The following MARK4 variants were observed in gnomAD, a reference collection of about 807,000 sequenced individuals.
MARK4 encodes microtubule affinity regulating kinase 4.
A neutral mutation model predicts 81.5 loss-of-function variants in MARK4; 19 were observed. That is an observed-to-expected ratio of 0.23 (90% confidence interval 0.16 to 0.34). MARK4 has a LOEUF of 0.34. Among genes scored for constraint, MARK4 ranks in the 10% least tolerant of loss-of-function variants. The probability of loss-of-function intolerance (pLI) is 1.00; values close to 1 mark genes in which losing one functional copy is unlikely to be tolerated. For missense variants in MARK4, 772 were observed against 1,058.8 expected, an observed-to-expected ratio of 0.73 and a Z score of 3.76; for synonymous variants, 436 against 439.0, an observed-to-expected ratio of 0.99 and a Z score of 0.08.
Position 45,251,316 on chromosome 19 carries a change from C to A in MARK4, c.-273C>A, listed in dbSNP as rs1171721811. On this transcript the variant is annotated 5_prime_UTR_variant, in exon 1 of 17. Transcript: ENST00000262891. ...CCGCCTCCCTCCGCCGCCGCTTGGG[C>A]CGGCTCCGCGCCCCCTCCGCGGCCC... 1 of 147,930 alleles carries A rather than the reference C, an allele frequency of 6.8e-6. No individual in the cohort carries two copies. Among genetic ancestry groups the A allele is most frequent in the Non-Finnish European group, 1.5e-5 (1 of 67,730 alleles). The allele number at this position is 147,930 out of a possible 1,614,324, so 9.2% of individuals were successfully genotyped here.
intron 6 of MARK4, 106 bp downstream of exon 6, chr19:45,265,016 T>A: frequency 8.9e-7 from 1 of 1,119,382 alleles, no homozygotes; most frequent in Non-Finnish European, 1.3e-6. Context: ...GGGCGGGGCT[T>A]AAGTCTGGGC....
In MARK4 at chr19:45,302,484, G is replaced by C. The variant is rs200323133; in HGVS notation, c.2033G>C (p.Arg678Pro). 2 of 1,610,552 alleles carry C rather than the reference G, an allele frequency of 1.2e-6. No homozygotes were observed. The highest frequency in any genetic ancestry group is 1.7e-6 in the Non-Finnish European group (2 of 1,179,712). ...CCTGAGGCCCTGATGGCAGCTCTGC[G>C]CCAGGCCACAGCAGCCGCCCGCTGC... The part of the protein sequence containing the change: ...RPPEALMAAL[R>P]QATAAARCRC... The change falls in exon 17 of 17, where the codon CGC (arginine) becomes CCC (proline). Residue 678 changes from arginine to proline, a missense_variant. Arg to Pro is a moderately radical substitution (Grantham distance 103). Coordinates refer to ENST00000262891, the MANE Select transcript of MARK4 (RefSeq NM_001199867.2). The surrounding 1 kb of genome is among the most constrained non-coding windows in gnomAD (Gnocchi z 4.9).
At chr19:45,294,840 C>A (rs959011677) in intron 14 of MARK4, among the ~76,000 whole-genome samples, 14 of 152,086 alleles carry the variant, frequency 9.2e-5, no homozygotes, top group African/African-American at 3.4e-4. Flanking sequence ...GGAGGGAAAC[C>A]AGTTCAGACT....
chr19:45,268,713 C>T (rs1239819448), intron 7 of MARK4, among the ~76,000 whole-genome samples: 1 of 151,764 alleles, frequency 6.6e-6, no homozygotes, highest in African/African-American at 2.4e-5. Context: ...CCACTGCATT[C>T]CAACCTGGGT....
rs993530917 is a variant in MARK4 at position 45,302,275 on chromosome 19, G to A, written c.1923-99G>A. 4.4e-6 allele frequency: 7 copies of A among 1,577,514 alleles called. No individual in the cohort carries two copies. Among genetic ancestry groups the A allele is most frequent in the Admixed American group, 3.5e-5 (2 of 56,572 alleles). ...GGGGAAGATGTTTTTTGAGGGGATG[G>A]CTAGGAATGTGTCCCGAATTGGGAA... On this transcript the variant is annotated intron_variant, in intron 16 of 16. Coordinates refer to ENST00000262891, the MANE Select transcript of MARK4 (RefSeq NM_001199867.2). This position sits in a 1 kb window ranked among gnomAD's most constrained non-coding sequence, Gnocchi z 4.9.
rs1224929131 is a variant in MARK4, at chr19:45,272,945, T to C, written c.786+1237T>C. Among the ~76,000 whole-genome samples the C allele has an allele frequency of 9.2e-5, 14 of 152,206 alleles. No individual in the cohort carries two copies. The South Asian group carries it at 2.1e-3, about 22-fold the overall frequency. On this transcript the variant is annotated intron_variant, in intron 8 of 16. Coordinates refer to ENST00000262891, the MANE Select transcript of MARK4 (RefSeq NM_001199867.2). ...TGATTGTGCAACTCCGTGCATATAC[T>C]AAAAGCCATCGAATTGTGCACTTCG... is the stretch of plus-strand genomic sequence containing the variant.
intron 12 of MARK4, among the ~76,000 whole-genome samples, chr19:45,281,032 C>T (rs1232568438): frequency 6.6e-6 from 1 of 151,732 alleles, no homozygotes; most frequent in Non-Finnish European, 1.5e-5. Context: ...CTCATCCTAT[C>T]TTTTTTCCTG....
At chr19:45,289,367 C>T (rs1348082830) in intron 13 of MARK4, among the ~76,000 whole-genome samples, 1 of 101,904 alleles carries the variant, frequency 9.8e-6, no homozygotes, top group Non-Finnish European at 1.8e-5. Context: ...AGCCTGGTGA[C>T]AGAGCAAGAC....
chr19:45,261,826 G>A (rs1423520974), intron 2 of MARK4, among the ~76,000 whole-genome samples: 1 of 151,990 alleles, frequency 6.6e-6, no homozygotes, highest in South Asian at 2.1e-4. Context: ...CCAGATATTC[G>A]GGAGGCTGAG....
Position 45,251,426 on chromosome 19 carries a change from T to A in MARK4, c.-163T>A, listed in dbSNP as rs1409157839. The A allele has an allele frequency of 5.6e-5, 10 of 177,180 alleles. No individual in the cohort carries two copies. Among genetic ancestry groups the A allele is most frequent in the Admixed American group, 4.6e-4 (3 of 6,546 alleles). 11.0% of individuals were successfully genotyped at this position (177,180 alleles called of 1,614,324 possible). A position where few individuals can be genotyped will look rare whatever the true frequency, so the allele number is the denominator to read the frequency against. ...CTAGGACCCTCGGCGTCCCTTCCCC[T>A]CCCCCGCCCTGCCCCCTCTCCCGCC... On this transcript the variant is annotated 5_prime_UTR_variant, in exon 1 of 17. Transcript: ENST00000262891.
At chr19:45,262,614 C>A (rs1322704996) in intron 2 of MARK4, among the ~76,000 whole-genome samples, 4 of 152,192 alleles carry the variant, frequency 2.6e-5, no homozygotes, top group African/African-American at 9.7e-5. Flanking sequence ...AGCTCTGGAG[C>A]AGCGTCAGCC....
At chr19:45,270,735 G>A (rs187475537) in intron 7 of MARK4, among the ~76,000 whole-genome samples, 342 of 152,134 alleles carry the variant, frequency 2.2e-3, no homozygotes, top group African/African-American at 8.1e-3. Context: ...GAGTACCTGG[G>A]ACTACTGGCG....
chr19:45,279,665 A>G (rs1040549897), intron 10 of MARK4, among the ~76,000 whole-genome samples: 12 of 152,176 alleles, frequency 7.9e-5, no homozygotes, highest in African/African-American at 2.9e-4. Flanking sequence ...AGTACCACCA[A>G]TTTTGTATGG....
In MARK4 at chr19:45,271,781, C is replaced by T; in HGVS notation, c.786+73C>T. On this transcript the variant is annotated intron_variant, in intron 8 of 16. Transcript: ENST00000262891. The surrounding 1 kb of genome is among the most constrained non-coding windows in gnomAD (Gnocchi z 4.1). ...AGGCCCCTATCCCCCCCACACCTCCCCTGCAGAGGGCCTCAGTGGTGGGAC... is the reference window on the plus strand; with the variant it reads ...AGGCCCCTATCCCCCCCACACCTCCTCTGCAGAGGGCCTCAGTGGTGGGAC... 1 of 1,385,366 alleles carries T rather than the reference C, an allele frequency of 7.2e-7. No homozygotes were observed. 85.8% of individuals were successfully genotyped at this position (1,385,366 alleles called of 1,614,324 possible).
chr19:45,294,249 C>G (rs547884739), intron 13 of MARK4, 100 bp from the exon 14 acceptor site: 1 of 1,134,740 alleles, frequency 8.8e-7, no homozygotes, highest in African/African-American at 1.5e-5. Flanking sequence ...ACATGAGCCC[C>G]TGACTTATTC....
chr19:45,287,778 T>C (rs1347198455), intron 13 of MARK4, 114 bp downstream of exon 13: 1 of 1,175,400 alleles, frequency 8.5e-7, no homozygotes, highest in African/African-American at 1.5e-5. Flanking sequence ...CTCCTTCTTC[T>C]ACCCATTCAT....
At chr19:45,269,140 A>G (rs1255788062) in intron 7 of MARK4, among the ~76,000 whole-genome samples, 3 of 152,150 alleles carry the variant, frequency 2.0e-5, no homozygotes, top group Admixed American at 6.6e-5. Context: ...ACTTTTTGGG[A>G]GGCCGAGGTG....
At chr19:45,260,931 G>T (rs1010379216) in intron 2 of MARK4, among the ~76,000 whole-genome samples, 1 of 152,054 alleles carries the variant, frequency 6.6e-6, no homozygotes, top group African/African-American at 2.4e-5. Flanking sequence ...TGCAAAAAGG[G>T]CCCACACAGG....
intron 12 of MARK4, among the ~76,000 whole-genome samples, chr19:45,283,794 G>T (rs566130202): frequency 6.6e-6 from 1 of 152,192 alleles, no homozygotes; most frequent in Admixed American, 6.6e-5. Flanking sequence ...GTACGTATCT[G>T]GGAGTGGAAT....
Sources: allele counts gnomAD v4.1 joint callset (sites outside exome capture counted in the v4.1 genomes callset), GRCh38; gene constraint gnomAD v4.1.1; non-coding constraint Gnocchi (gnomAD v3.1); transcripts MANE v1.5; gene names NCBI Gene and HGNC (gene_info 2026-07-23, HGNC 2026-07-21).